TACC2: variants seen among roughly 807,000 people sequenced by gnomAD.
The protein encoded by TACC2 is transforming acidic coiled-coil containing protein 2, also known as transforming acidic coiled-coil-containing protein 2.
TACC2 carries 137 observed loss-of-function variants against 227.3 expected under a neutral mutation model. That is an observed-to-expected ratio of 0.60 (90% CI 0.52 to 0.69). The LOEUF is 0.69. TACC2 is among the 30% of genes least tolerant of loss of function. TACC2 has a pLI of 0.00. For synonymous variants in TACC2, 1,523 were observed against 1,487.5 expected, an observed-to-expected ratio of 1.02 and a Z score of -0.55; for missense variants, 3,470 against 3,694.4, an observed-to-expected ratio of 0.94 and a Z score of 1.57.
chr10:122,000,271 C>T (rs1038623796), intron 1 of TACC2, among the ~76,000 whole-genome samples: 7 of 152,048 alleles, frequency 4.6e-5, no homozygotes, highest in Non-Finnish European at 8.8e-5. Context: ...CCCAGCTACT[C>T]GCAAGGCTAA....
intron 6 of TACC2, among the ~76,000 whole-genome samples, chr10:122,135,292 G>T (rs906451211): frequency 6.6e-6 from 1 of 152,170 alleles, no homozygotes; most frequent in Non-Finnish European, 1.5e-5. Flanking sequence ...CTAGTCCAAG[G>T]AAGGTAATGC....
chr10:122,215,439 T>C lies in TACC2; in HGVS notation c.7332T>C (p.Asp2444=). The part of the protein sequence containing the change: ...KKSPKRSPLS[D]PPSQDPTPAA... ...CGCCAAAACGGTCTCCTCTCTCTGA[T>C]CCACCTTCCCAGGTACAGTGTTCCT... Residue 2444 remains aspartate, a synonymous_variant, in exon 10 of 23, where the codon GAT becomes GAC. Coordinates refer to ENST00000369005, the MANE Select transcript of TACC2 (RefSeq NM_206862.4). 6.2e-7 allele frequency: 1 copy of C among 1,613,972 alleles called. No individual in the cohort carries two copies. The highest frequency in any genetic ancestry group is 1.1e-5 in the South Asian group (1 of 91,074).
rs772452609 is a variant in TACC2 at position 122,086,226 on chromosome 10, T to C, written c.3726T>C (p.Ser1242=). The C allele has an allele frequency of 1.9e-6, 3 of 1,613,906 alleles. No homozygotes were observed. Among genetic ancestry groups the C allele is most frequent in the Non-Finnish European group, 2.5e-6 (3 of 1,180,030 alleles). ...APDTPYLHVD[S]AAQRGAEDSG... is the part of the protein sequence containing the mutation. ...ACACCCCTTACCTGCATGTCGACAG[T>C]GCTGCCCAGAGAGGAGCAGAAGACA... Residue 1242 remains serine (S), a synonymous_variant, in exon 4 of 23, where the codon AGT becomes AGC. Coordinates refer to ENST00000369005, the MANE Select transcript of TACC2 (RefSeq NM_206862.4).
intron 3 of TACC2, among the ~76,000 whole-genome samples, chr10:122,052,901 G>C (rs1437921587): frequency 1.3e-5 from 2 of 152,232 alleles, no homozygotes; most frequent in African/African-American, 4.8e-5. Context: ...CAGGGCTCCT[G>C]TGTGCGGTTT....
At chr10:122,175,804 C>T (rs1446718228) in intron 7 of TACC2, among the ~76,000 whole-genome samples, 7 of 152,158 alleles carry the variant, frequency 4.6e-5, no homozygotes, top group Admixed American at 2.6e-4. Flanking sequence ...AATAGCTCAA[C>T]GCTTGTAATC....
At chr10:122,006,316 GC>G (rs1955127614) in intron 1 of TACC2, among the ~76,000 whole-genome samples, 4 of 152,072 alleles carry the variant, frequency 2.6e-5, no homozygotes, top group Non-Finnish European at 5.9e-5. Flanking sequence ...AGGCATGGTG[GC>G]TCACGCCTGT....
chr10:122,070,103 C>G (rs1233978215), intron 3 of TACC2, among the ~76,000 whole-genome samples: 1 of 152,108 alleles, frequency 6.6e-6, no homozygotes, highest in Non-Finnish European at 1.5e-5. Flanking sequence ...AGGATTTATT[C>G]TAAAAAGAAA....
chr10:122,196,321 C>T (rs1331484853), intron 8 of TACC2, among the ~76,000 whole-genome samples: 3 of 152,186 alleles, frequency 2.0e-5, no homozygotes, highest in African/African-American at 7.2e-5. Context: ...CGTGCTGGGA[C>T]AAGGGGGCAG....
chr10:122,181,325 C>T (rs540298813), intron 7 of TACC2, among the ~76,000 whole-genome samples: 5 of 152,308 alleles, frequency 3.3e-5, no homozygotes, highest in African/African-American at 1.2e-4. Flanking sequence ...ATCATTGGTA[C>T]AGCTGTCCCC....
At chr10:122,178,496 CAA>C (rs2093833462) in intron 7 of TACC2, among the ~76,000 whole-genome samples, 1 of 152,118 alleles carries the variant, frequency 6.6e-6, no homozygotes, top group African/African-American at 2.4e-5. Context: ...CTAGACCTCC[CAA>C]AGTGCTGGGA....
Position 122,237,381 on chromosome 10 carries a change from A to G in TACC2, c.8128-14A>G. The G allele has an allele frequency of 6.3e-7, 1 of 1,590,556 alleles. No individual in the cohort carries two copies. The highest frequency in any genetic ancestry group is 8.5e-7 in the Non-Finnish European group (1 of 1,170,456). On this transcript the variant is annotated splice_polypyrimidine_tract_variant and intron_variant, in intron 16 of 22. Transcript: ENST00000369005. ...TGCTAACTGTTTTTTTTTTAATTAAAAACGATTCCACAGAGAGAGGCTGCT... is the reference window on the plus strand; with the variant it reads ...TGCTAACTGTTTTTTTTTTAATTAAGAACGATTCCACAGAGAGAGGCTGCT...
At chr10:122,056,952 G>C (rs2076270946) in intron 3 of TACC2, among the ~76,000 whole-genome samples, 1 of 152,192 alleles carries the variant, frequency 6.6e-6, no homozygotes, top group South Asian at 2.1e-4. Flanking sequence ...AGCACTTTGG[G>C]AGGCCAAGGC....
At chr10:121,990,343 C>T (rs560245603) in intron 1 of TACC2, among the ~76,000 whole-genome samples, 1 of 151,722 alleles carries the variant, frequency 6.6e-6, no homozygotes, top group African/African-American at 2.4e-5. Context: ...GTCTCAAACC[C>T]CTAGGCTCAA....
At position 122,112,262 on chromosome 10, in the gene TACC2, G is replaced by T. The variant is rs559791493; in HGVS notation, c.5574-20347G>T. Among the ~76,000 whole-genome samples the T allele has an allele frequency of 7.2e-5, 11 of 152,284 alleles. No homozygotes were observed. The South Asian group carries it at 2.3e-3, about 32-fold the overall frequency. ...AGAAAAGGTGATATGCCATGGTGTT[G>T]GCAGGTAAGCACCACTTCTGGGTGT... On this transcript the variant is annotated intron_variant, in intron 5 of 22. Coordinates refer to ENST00000369005, the MANE Select transcript of TACC2 (RefSeq NM_206862.4).
At chr10:122,230,081 G>C (rs2141425723) in intron 15 of TACC2, among the ~76,000 whole-genome samples, 1 of 152,148 alleles carries the variant, frequency 6.6e-6, no homozygotes, top group South Asian at 2.1e-4. Flanking sequence ...AAAGAGAACA[G>C]TAAAAATTTT....
intron 1 of TACC2, among the ~76,000 whole-genome samples, chr10:121,992,242 C>T (rs1291915335): frequency 1.3e-5 from 2 of 152,074 alleles, no homozygotes; most frequent in African/African-American, 4.8e-5. Context: ...AACAGCCCAC[C>T]CTGATATGCC....
chr10:122,010,140 C>T (rs552307080), intron 1 of TACC2, among the ~76,000 whole-genome samples: 1 of 152,072 alleles, frequency 6.6e-6, no homozygotes, highest in African/African-American at 2.4e-5. Context: ...GTAGTTGGCA[C>T]CGACACTATC....
chr10:122,044,231 CT>C (rs762605513), intron 2 of TACC2, among the ~76,000 whole-genome samples: 6 of 152,350 alleles, frequency 3.9e-5, no homozygotes, highest in Non-Finnish European at 8.8e-5. Context: ...CGCTGGCAGC[CT>C]TTCGCTTGTT....
intron 5 of TACC2, among the ~76,000 whole-genome samples, chr10:122,089,982 A>AT (rs1267397335): frequency 6.6e-6 from 1 of 152,026 alleles, no homozygotes; most frequent in Non-Finnish European, 1.5e-5. Context: ...GCTGTTATGT[A>AT]TTTTTTATAT....
Sources: allele counts gnomAD v4.1 joint callset (sites outside exome capture counted in the v4.1 genomes callset), GRCh38; gene constraint gnomAD v4.1.1; transcripts MANE v1.5; gene names NCBI Gene and HGNC (gene_info 2026-07-23, HGNC 2026-07-21).